The following DNAJC1 variants were observed in gnomAD, a reference collection of about 807,000 sequenced individuals.
DNAJC1 encodes the protein DnaJ heat shock protein family (Hsp40) member C1, also known as dnaJ homolog subfamily C member 1.
DNAJC1 carries 58 observed loss-of-function variants against 76.6 expected under a neutral mutation model. That is an observed-to-expected ratio of 0.76 (90% CI 0.61 to 0.94). The LOEUF is 0.94. Among genes scored for constraint, DNAJC1 ranks in the 40% least tolerant of loss-of-function variants. The pLI, the probability that DNAJC1 is intolerant of heterozygous loss-of-function variation, is 0.00. For missense variants in DNAJC1, 689 were observed against 677.3 expected, an observed-to-expected ratio of 1.02 and a Z score of -0.19; for synonymous variants, 258 against 267.9, an observed-to-expected ratio of 0.96 and a Z score of 0.36.
chr10:21,992,711 A>G (rs1301864076), intron 1 of DNAJC1, among the ~76,000 whole-genome samples: 1 of 152,204 alleles, frequency 6.6e-6, no homozygotes, highest in Non-Finnish European at 1.5e-5. Context: ...AAAAATCTGA[A>G]ATATCTGTCA....
At chr10:21,782,882 G>A (rs1033010899) in intron 9 of DNAJC1, among the ~76,000 whole-genome samples, 1 of 152,146 alleles carries the variant, frequency 6.6e-6, no homozygotes, top group Admixed American at 6.5e-5. Context: ...AATAAATTAG[G>A]TGTTGATGGA....
chr10:21,813,591 G>A (rs905381706), intron 8 of DNAJC1, among the ~76,000 whole-genome samples: 2 of 152,034 alleles, frequency 1.3e-5, no homozygotes, highest in Non-Finnish European at 2.9e-5. Context: ...TAGAGATGGT[G>A]TTTCACCGTG....
At chr10:21,841,811 G>A (rs1047577506) in intron 8 of DNAJC1, among the ~76,000 whole-genome samples, 4 of 151,898 alleles carry the variant, frequency 2.6e-5, no homozygotes, top group South Asian at 2.1e-4. Flanking sequence ...TGTTTATAGC[G>A]GCACTGTTCA....
intron 8 of DNAJC1, among the ~76,000 whole-genome samples, chr10:21,875,798 G>A (rs954711046): frequency 2.0e-5 from 3 of 152,012 alleles, no homozygotes; most frequent in African/African-American, 4.8e-5. Flanking sequence ...GGCAGCAGGC[G>A]TCTGTAATCC....
chr10:21,913,559 C>A (rs1836902688), intron 6 of DNAJC1, among the ~76,000 whole-genome samples: 1 of 152,150 alleles, frequency 6.6e-6, no homozygotes, highest in African/African-American at 2.4e-5. Context: ...GCACAGAGCA[C>A]TGATTATATG....
intron 8 of DNAJC1, among the ~76,000 whole-genome samples, chr10:21,827,206 C>A (rs932112234): frequency 6.6e-6 from 1 of 152,132 alleles, no homozygotes; most frequent in African/African-American, 2.4e-5. Flanking sequence ...CCAGTTACTA[C>A]CACTTGCTTA....
At chr10:21,843,741 TC>T (rs1345843775) in intron 8 of DNAJC1, among the ~76,000 whole-genome samples, 1 of 151,208 alleles carries the variant, frequency 6.6e-6, no homozygotes, top group East Asian at 1.9e-4. Flanking sequence ...GATTTTACAA[TC>T]TTTTTTTTTT....
chr10:21,883,172 C>A (rs544983807), intron 7 of DNAJC1, among the ~76,000 whole-genome samples: 9 of 151,590 alleles, frequency 5.9e-5, no homozygotes, highest in Non-Finnish European at 1.3e-4. Flanking sequence ...CTCACTTGAG[C>A]CCAGGAGGTG....
At chr10:21,977,668 T>C (rs1838087672) in intron 1 of DNAJC1, among the ~76,000 whole-genome samples, 1 of 152,134 alleles carries the variant, frequency 6.6e-6, no homozygotes, top group African/African-American at 2.4e-5. Context: ...TTTTTCACAT[T>C]AAATAAAAGA....
intron 7 of DNAJC1, among the ~76,000 whole-genome samples, chr10:21,902,096 C>T (rs767679422): frequency 1.3e-5 from 2 of 151,748 alleles, no homozygotes; most frequent in African/African-American, 4.8e-5. Flanking sequence ...CTAAATATAC[C>T]ACTGATAAAA....
At chr10:21,767,723 C>A (rs1313187961) in intron 9 of DNAJC1, among the ~76,000 whole-genome samples, 1 of 152,186 alleles carries the variant, frequency 6.6e-6, no homozygotes, top group Non-Finnish European at 1.5e-5. Flanking sequence ...TGACCAGGCA[C>A]AGTCGCTCAT....
intron 8 of DNAJC1, among the ~76,000 whole-genome samples, chr10:21,851,536 G>A (rs189515491): frequency 6.6e-6 from 1 of 152,310 alleles, no homozygotes; most frequent in East Asian, 1.9e-4. Flanking sequence ...TATTGCTAGT[G>A]AGAATGTAAA....
intron 1 of DNAJC1, among the ~76,000 whole-genome samples, chr10:21,951,177 G>T (rs1169850576): frequency 6.6e-6 from 1 of 152,082 alleles, no homozygotes; most frequent in Non-Finnish European, 1.5e-5. Context: ...AAAATTAGCA[G>T]GGCGTTGTGG....
At chr10:21,855,196 C>G (rs1835814905) in intron 8 of DNAJC1, among the ~76,000 whole-genome samples, 2 of 152,112 alleles carry the variant, frequency 1.3e-5, no homozygotes, top group African/African-American at 2.4e-5. Context: ...AACACATAAA[C>G]AGTGAATAAA....
intron 8 of DNAJC1, among the ~76,000 whole-genome samples, chr10:21,832,723 A>C (rs1210349596): frequency 6.6e-6 from 1 of 152,198 alleles, no homozygotes; most frequent in African/African-American, 2.4e-5. Context: ...AAATCTTCTA[A>C]TGGGTCCTTC....
intron 1 of DNAJC1, among the ~76,000 whole-genome samples, chr10:21,948,875 T>G (rs1030213164): frequency 3.3e-5 from 5 of 152,212 alleles, no homozygotes; most frequent in Admixed American, 3.3e-4. Context: ...TTATCTCAGC[T>G]TCATGCTTCA....
chr10:21,978,299 T>C (rs1838097708), intron 1 of DNAJC1, among the ~76,000 whole-genome samples: 1 of 152,130 alleles, frequency 6.6e-6, no homozygotes, highest in South Asian at 2.1e-4. Context: ...TGCAAACTCT[T>C]TAAGAATTTC....
intron 9 of DNAJC1, among the ~76,000 whole-genome samples, chr10:21,775,210 C>T (rs1369041007): frequency 6.6e-6 from 1 of 151,854 alleles, no homozygotes; most frequent in Non-Finnish European, 1.5e-5. Context: ...CGTTAGATAG[C>T]AGCAAAGCAC....
intron 7 of DNAJC1, among the ~76,000 whole-genome samples, chr10:21,884,176 T>C (rs948302020): frequency 6.6e-6 from 1 of 152,130 alleles, no homozygotes; most frequent in Non-Finnish European, 1.5e-5. Flanking sequence ...AAAGGATGTA[T>C]CCAATTCAGA....
Sources: allele counts gnomAD v4.1 joint callset (sites outside exome capture counted in the v4.1 genomes callset), GRCh38; gene constraint gnomAD v4.1.1; transcripts MANE v1.5; gene names NCBI Gene and HGNC (gene_info 2026-07-23, HGNC 2026-07-21).